PDK1: variants seen among roughly 807,000 people sequenced by gnomAD.
PDK1 encodes pyruvate dehydrogenase kinase 1.
PDK1 carries 39 observed loss-of-function variants against 54.2 expected under a neutral mutation model. The observed-to-expected ratio is 0.72, with a 90% CI of 0.56 to 0.94. The LOEUF (loss-of-function observed/expected upper bound fraction) is 0.94, where lower values mean the gene tolerates loss of function less well. PDK1 is among the 40% of genes least tolerant of loss of function. The pLI is 0.00. For synonymous variants in PDK1, 221 were observed against 207.1 expected, an observed-to-expected ratio of 1.07 and a Z score of -0.58; for missense variants, 552 against 566.0, an observed-to-expected ratio of 0.98 and a Z score of 0.25.
chr2:172,583,282 T>TTTTG (rs1690015804), intron 8 of PDK1, among the ~76,000 whole-genome samples: 1 of 57,296 alleles, frequency 1.7e-5, no homozygotes, highest in African/African-American at 8.8e-5. Flanking sequence ...AGTTTTCTGG[T>TTTTG]TTTTTTTTTT....
chr2:172,613,077 A>T (rs147131105), downstream of PDK1, among the ~76,000 whole-genome samples: 15 of 152,384 alleles, frequency 9.8e-5, no homozygotes, highest in African/African-American at 3.4e-4. Flanking sequence ...GAAACAATTT[A>T]GAAATGAATT....
intron 9 of PDK1, among the ~76,000 whole-genome samples, chr2:172,587,277 C>T (rs897819183): frequency 2.0e-5 from 3 of 152,142 alleles, no homozygotes; most frequent in Admixed American, 6.5e-5. Flanking sequence ...TTCTTCCTCC[C>T]GGTGAGTTCC....
At chr2:172,668,738 TTATA>T in the PDK1 span, among the ~76,000 whole-genome samples, 1 of 147,724 alleles carries the variant, frequency 6.8e-6, no homozygotes, top group Non-Finnish European at 1.5e-5. Flanking sequence ...TCATTTTATT[TTATA>T]TATATTAAAT....
chr2:172,621,046 A>G, the PDK1 span, among the ~76,000 whole-genome samples: 2 of 152,338 alleles, frequency 1.3e-5, no homozygotes, highest in South Asian at 4.1e-4. Flanking sequence ...TTGGGAAGCC[A>G]AGGCAGACGG....
At chr2:172,685,572 C>T in the PDK1 span, among the ~76,000 whole-genome samples, 27 of 152,322 alleles carry the variant, frequency 1.8e-4, no homozygotes, top group Middle Eastern at 3.4e-3. Flanking sequence ...ATTTTCCTCA[C>T]TGGGATTTGC....
At chr2:172,700,223 G>C in the PDK1 span, among the ~76,000 whole-genome samples, 1 of 151,470 alleles carries the variant, frequency 6.6e-6, no homozygotes, top group Non-Finnish European at 1.5e-5. Flanking sequence ...CTTTCTATTC[G>C]ACAAAACCGC....
the PDK1 span, among the ~76,000 whole-genome samples, chr2:172,613,788 TCTC>T: frequency 6.6e-5 from 10 of 152,098 alleles, no homozygotes; most frequent in Admixed American, 2.0e-4. Flanking sequence ...GGGGAGCCCT[TCTC>T]CTTCTGAGTT....
intron 8 of PDK1, among the ~76,000 whole-genome samples, chr2:172,583,280 GGT>G (rs1690011520): frequency 3.2e-5 from 3 of 93,896 alleles, no homozygotes; most frequent in African/African-American, 5.0e-5. Context: ...AAAGTTTTCT[GGT>G]TTTTTTTTTT....
chr2:172,627,169 G>A, the PDK1 span, among the ~76,000 whole-genome samples: 1 of 152,224 alleles, frequency 6.6e-6, no homozygotes, highest in South Asian at 2.1e-4. Context: ...TGAAAGAATA[G>A]TATCTAAACC....
Position 172,556,163 on chromosome 2 carries a change from C to A in PDK1, c.13C>A (p.Arg5=). ...AGCGGGACTCGGCATGAGGCTGGCGCGGCTGCTTCGCGGAGCCGCCTTGGC... is the reference window on the plus strand; with the variant it reads ...AGCGGGACTCGGCATGAGGCTGGCGAGGCTGCTTCGCGGAGCCGCCTTGGC... MRLA[R]LLRGAALAGP... The change falls in exon 1 of 11, where the codon CGG becomes AGG. Residue 5 remains arginine (R), a synonymous_variant. Coordinates refer to ENST00000282077, the MANE Select transcript of PDK1 (RefSeq NM_002610.5). 2 of 1,414,486 alleles carry A rather than the reference C, an allele frequency of 1.4e-6. No homozygotes were observed. Among genetic ancestry groups the A allele is most frequent in the South Asian group, 3.0e-5 (2 of 67,320 alleles). 87.6% of individuals were successfully genotyped at this position (1,414,486 alleles called of 1,614,324 possible).
At chr2:172,717,717 A>G in the PDK1 span, among the ~76,000 whole-genome samples, 1 of 152,156 alleles carries the variant, frequency 6.6e-6, no homozygotes, top group East Asian at 1.9e-4. Flanking sequence ...GAAGTAGAAC[A>G]TTGCTTTGCC....
chr2:172,674,583 C>A, the PDK1 span: 1 of 152,342 alleles, frequency 6.6e-6, no homozygotes, highest in East Asian at 1.9e-4. Flanking sequence ...CTCCTCAGGA[C>A]GCTCCCCTCT....
the PDK1 span, among the ~76,000 whole-genome samples, chr2:172,671,950 C>T: frequency 6.6e-6 from 1 of 152,038 alleles, no homozygotes; most frequent in Admixed American, 6.5e-5. Flanking sequence ...CATGAGTGAA[C>T]AAATTAATTG....
At chr2:172,703,549 C>G in the PDK1 span, among the ~76,000 whole-genome samples, 3 of 152,052 alleles carry the variant, frequency 2.0e-5, no homozygotes, top group South Asian at 6.2e-4. Context: ...TCTGACCCAA[C>G]CCGACAATAA....
downstream of PDK1, among the ~76,000 whole-genome samples, chr2:172,610,851 T>A (rs180848930): frequency 3.3e-4 from 51 of 152,322 alleles, no homozygotes; most frequent in African/African-American, 1.2e-3. Flanking sequence ...CCTCAGGTGA[T>A]CCACCCTCCT....
the PDK1 span, among the ~76,000 whole-genome samples, chr2:172,704,457 T>C: frequency 6.6e-6 from 1 of 152,130 alleles, no homozygotes; most frequent in Non-Finnish European, 1.5e-5. Flanking sequence ...AGGGGTACAT[T>C]GAGAATCACA....
the PDK1 span, among the ~76,000 whole-genome samples, chr2:172,654,862 A>G: frequency 6.6e-6 from 1 of 152,184 alleles, no homozygotes; most frequent in African/African-American, 2.4e-5. Flanking sequence ...ATAAGCTGTA[A>G]GGACGGTTTC....
At chr2:172,617,137 G>A in the PDK1 span, among the ~76,000 whole-genome samples, 2 of 151,908 alleles carry the variant, frequency 1.3e-5, 1 homozygote, top group South Asian at 4.2e-4. Flanking sequence ...ATTTTCAGTA[G>A]GGATGGATTT....
At chr2:172,672,810 A>C in the PDK1 span, among the ~76,000 whole-genome samples, 15 of 152,326 alleles carry the variant, frequency 9.8e-5, no homozygotes, top group Middle Eastern at 3.4e-3. Context: ...GTTCTTTATA[A>C]GTCGCTCTGC....
Sources: gnomAD v4.1 joint callset for allele counts (sites outside exome capture counted in the v4.1 genomes callset) on GRCh38, gnomAD v4.1.1 for gene constraint, MANE v1.5 for transcripts, NCBI Gene and HGNC (gene_info 2026-07-23, HGNC 2026-07-21) for gene names.